The following DBR1 variants were observed in gnomAD, a reference collection of about 807,000 sequenced individuals.
The protein encoded by DBR1 is lariat debranching enzyme.
In DBR1, 33 loss-of-function variants were observed where a neutral mutation model predicts 45.9. That is an observed-to-expected ratio of 0.72 (90% CI 0.55 to 0.96). The LOEUF is 0.96. Among genes scored for constraint, DBR1 ranks in the 40% least tolerant of loss-of-function variants. The pLI is 0.00. For synonymous variants in DBR1, 235 were observed against 235.9 expected (o/e 1.00, Z 0.04); for missense variants, 619 against 667.4 (o/e 0.93, Z 0.80).
chr3:138,169,437 C>G (rs2042944783), intron 4 of DBR1, among the ~76,000 whole-genome samples: 1 of 152,024 alleles, frequency 6.6e-6, no homozygotes, highest in Non-Finnish European at 1.5e-5. Flanking sequence ...TTTACTATTA[C>G]TTATTTTCTA....
chr3:138,161,679 T>G lies in DBR1; in HGVS notation c.*210A>C. ...TGGCCAACACGGTGAAACCCTGTCA[T>G]TACTAAAAATGCAAAAATTAGCCGG... On this transcript the variant is annotated 3_prime_UTR_variant, in exon 8 of 8. Coordinates refer to ENST00000260803, the MANE Select transcript of DBR1 (RefSeq NM_016216.4). 4.2e-6 allele frequency: 2 copies of G among 479,674 alleles called. No homozygotes were observed. The highest frequency in any genetic ancestry group is 2.3e-5 in the South Asian group (1 of 44,072). The allele number at this position is 479,674 out of a possible 1,614,324, so 29.7% of individuals were successfully genotyped here.
At chr3:138,173,861 A>AC (rs2042966406) in intron 1 of DBR1, among the ~76,000 whole-genome samples, 1 of 151,632 alleles carries the variant, frequency 6.6e-6, no homozygotes, top group African/African-American at 2.4e-5. Flanking sequence ...ATGTGGTGAA[A>AC]CCCCGTCTCT....
rs1225378769 is a variant in DBR1, at chr3:138,174,842, C to T, written c.-47G>A. 1 of 1,573,036 alleles carries T rather than the reference C, an allele frequency of 6.4e-7. No homozygotes were observed. The highest frequency in any genetic ancestry group is 1.1e-5 in the South Asian group (1 of 87,010). The stretch of plus-strand genomic sequence containing the variant: ...GCGCTGCCTGCAACGCCCTACACCA[C>T]AGCCAGCCCAGGACCGACTGATCGC... On this transcript the variant is annotated 5_prime_UTR_variant, in exon 1 of 8. In the 5' UTR this introduces an upstream ATG that the reference lacks. Transcript: ENST00000260803.
chr3:138,163,731 C>A, intron 6 of DBR1, 47 bp downstream of exon 6: 3 of 1,368,378 alleles, frequency 2.2e-6, no homozygotes, highest in Non-Finnish European at 3.0e-6. Context: ...TTTTTTAAGT[C>A]TCTGGAAGAG....
chr3:138,166,707 G>C (rs979013865), intron 5 of DBR1, among the ~76,000 whole-genome samples: 3 of 152,136 alleles, frequency 2.0e-5, no homozygotes, highest in Middle Eastern at 6.8e-3. Context: ...CTACCTACAA[G>C]TCCCCAAACA....
chr3:138,174,856 C>T lies in DBR1; in HGVS notation c.-61G>A, dbSNP rs2042972581. The T allele has an allele frequency of 3.3e-6, 5 of 1,524,098 alleles. No individual in the cohort carries two copies. In the Admixed American group the frequency reaches 7.9e-5, roughly 24 times the overall value. The allele number at this position is 1,524,098 out of a possible 1,614,324, so 94.4% of individuals were successfully genotyped here. A position where few individuals can be genotyped will look rare whatever the true frequency, so the allele number is the denominator to read the frequency against. ...GCCCTACACCACAGCCAGCCCAGGA[C>T]CGACTGATCGCTCAGCTCCCGCCAA... On this transcript the variant is annotated 5_prime_UTR_variant, in exon 1 of 8. Coordinates refer to ENST00000260803, the MANE Select transcript of DBR1 (RefSeq NM_016216.4).
rs989547266 is a variant in DBR1, at chr3:138,163,408, A to T, written c.882T>A (p.Asp294Glu). The T allele has an allele frequency of 6.2e-7, 1 of 1,614,070 alleles. No homozygotes were observed. The highest frequency in any genetic ancestry group is 8.5e-7 in the Non-Finnish European group (1 of 1,179,942). ...ACAGGCGCCCAGTCACATTAATAAG[A>T]TCATCCGTAGCCCTGAGAATAGTGA... ...EWLTILRATD[D>E]LINVTGRLWN... The change falls in exon 7 of 8, where the codon GAT becomes GAA. Residue 294 changes from aspartate (D) to glutamate (E), a missense_variant. Asp to Glu is a conservative substitution (Grantham distance 45). This residue lies in a region of DBR1 where 430 missense variants were observed against 447.7 expected (regional missense o/e 0.96). Transcript: ENST00000260803.
rs2107901856 is a variant in DBR1 at position 138,163,398 on chromosome 3, C to T, written c.892G>A (p.Val298Met). 5 of 1,613,926 alleles carry T rather than the reference C, an allele frequency of 3.1e-6. No homozygotes were observed. The highest frequency in any genetic ancestry group is 2.2e-5 in the South Asian group (2 of 91,054). The change falls in exon 7 of 8, where the codon GTG becomes ATG. Residue 298 changes from valine to methionine, a missense_variant. By Grantham distance (21) the Val-to-Met change is conservative. This residue lies in a region of DBR1 where 430 missense variants were observed against 447.7 expected (regional missense o/e 0.96). Transcript: ENST00000260803. ...GGCATATTCCACAGGCGCCCAGTCA[C>T]ATTAATAAGATCATCCGTAGCCCTG... ...ILRATDDLIN[V>M]TGRLWNMPEN... is the part of the protein sequence containing the mutation.
At position 138,161,773 on chromosome 3, in the gene DBR1, G is replaced by T; in HGVS notation, c.*116C>A. The T allele has an allele frequency of 3.8e-6, 3 of 786,710 alleles. No individual in the cohort carries two copies. Among genetic ancestry groups the T allele is most frequent in the Non-Finnish European group, 6.3e-6 (3 of 475,682 alleles). 48.7% of individuals were successfully genotyped at this position (786,710 alleles called of 1,614,324 possible). Reference sequence around the variant, plus strand: ...AGGCAGGAGAATTGCTTGAACCTGGGAGGCGGAGGTTGCGGTGAGCCGAGA... The same window carrying T: ...AGGCAGGAGAATTGCTTGAACCTGGTAGGCGGAGGTTGCGGTGAGCCGAGA... On this transcript the variant is annotated 3_prime_UTR_variant, in exon 8 of 8. Coordinates refer to ENST00000260803, the MANE Select transcript of DBR1 (RefSeq NM_016216.4).
chr3:138,172,660 TC>T (rs1483629090), intron 2 of DBR1, among the ~76,000 whole-genome samples: 1 of 152,058 alleles, frequency 6.6e-6, no homozygotes, highest in Non-Finnish European at 1.5e-5. Context: ...TCTAATCAAA[TC>T]TGAAAATCTA....
intron 3 of DBR1, 63 bp downstream of exon 3, chr3:138,171,570 C>A: frequency 1.1e-6 from 1 of 930,218 alleles, no homozygotes; most frequent in Non-Finnish European, 1.7e-6. Context: ...AAGTACATAT[C>A]ATGCTTAACT....
chr3:138,163,703 C>T, intron 6 of DBR1, 75 bp downstream of exon 6: 1 of 1,140,176 alleles, frequency 8.8e-7, no homozygotes. Context: ...CAAAAAAATT[C>T]CGAAAGGAAA....
intron 5 of DBR1, among the ~76,000 whole-genome samples, chr3:138,165,961 C>A (rs2042928788): frequency 6.6e-6 from 1 of 152,170 alleles, no homozygotes; most frequent in Admixed American, 6.5e-5. Context: ...AGAATAAATC[C>A]ACAACAGAAA....
At position 138,171,697 on chromosome 3, in the gene DBR1, T is replaced by C. The variant is rs762901905; in HGVS notation, c.339A>G (p.Val113=). The change falls in exon 3 of 8, where the codon GTA becomes GTG. Residue 113 remains valine, a synonymous_variant. Coordinates refer to ENST00000260803, the MANE Select transcript of DBR1 (RefSeq NM_016216.4). The part of the protein sequence containing the change: ...NIYYLGLAGV[V]KYRGVRIGGI... ...CACCGATCCTTACACCTCGGTATTT[T>C]ACCACACCAGCCAAACCTAAACAAT... is the stretch of plus-strand genomic sequence containing the variant. 1 of 1,613,492 alleles carries C rather than the reference T, an allele frequency of 6.2e-7. No homozygotes were observed. Among genetic ancestry groups the C allele is most frequent in the Non-Finnish European group, 8.5e-7 (1 of 1,179,496 alleles).
intron 3 of DBR1, 96 bp downstream of exon 3, chr3:138,171,537 T>C (rs1158956188): frequency 2.1e-6 from 1 of 478,510 alleles, no homozygotes; most frequent in African/African-American, 2.3e-5. Context: ...ATATCGAGGA[T>C]ACAAAGATAT....
chr3:138,166,426 A>G (rs574162208), intron 5 of DBR1, among the ~76,000 whole-genome samples: 1 of 152,276 alleles, frequency 6.6e-6, no homozygotes, highest in South Asian at 2.1e-4. Flanking sequence ...TCTCTCTAGA[A>G]TCTGCTTCAT....
At position 138,173,624 on chromosome 3, in the gene DBR1, T is replaced by C; in HGVS notation, c.200A>G (p.Tyr67Cys). The C allele has an allele frequency of 1.9e-6, 3 of 1,611,650 alleles. No homozygotes were observed. The highest frequency in any genetic ancestry group is 2.2e-5 in the East Asian group (1 of 44,802). ...KYRHMQTFYR[Y>C]YSGEKKAPVL... ...TGGAGCCTTTTTCTCTCCAGAGTAA[T>C]ACCTAGAACATAAGAGCAAAGTCAG... Residue 67 changes from tyrosine to cysteine, a missense_variant and splice_region_variant, in exon 2 of 8, where the codon TAT becomes TGT. Tyr to Cys is a radical substitution (Grantham distance 194). This residue lies in a region of DBR1 where 430 missense variants were observed against 447.7 expected (regional missense o/e 0.96). Transcript: ENST00000260803.
In DBR1 at chr3:138,170,137, C is replaced by T. The variant is rs2042947831; in HGVS notation, c.459G>A (p.Val153=). Residue 153 remains valine (V), a synonymous_variant, in exon 4 of 8, where the codon GTG becomes GTA. Transcript: ENST00000260803. ...TTAATTTATAGACTTCAATATTTCT[C>T]ACATGATATATACTCCTGATTGTAG... is the stretch of plus-strand genomic sequence containing the variant. ...NSSTIRSIYH[V]RNIEVYKLKQ... 2 of 1,599,458 alleles carry T rather than the reference C, an allele frequency of 1.3e-6. No individual in the cohort carries two copies. The highest frequency in any genetic ancestry group is 2.2e-5 in the South Asian group (2 of 89,422).
Position 138,162,065 on chromosome 3 carries a change from T to C in DBR1, c.1459A>G (p.Ile487Val), listed in dbSNP as rs1290618781. ...VSSDDTVDST[I>V]DREGKPGGTV... ...CCACCAGGTTTCCCCTCTCTATCAA[T>C]TGTGGAATCCACCGTATCATCAGAA... Residue 487 changes from isoleucine to valine, a missense_variant, in exon 8 of 8, where the codon ATT becomes GTT. Coordinates refer to ENST00000260803, the MANE Select transcript of DBR1 (RefSeq NM_016216.4). 5.6e-6 allele frequency: 9 copies of C among 1,614,114 alleles called. No homozygotes were observed. Among genetic ancestry groups the C allele is most frequent in the South Asian group, 3.3e-5 (3 of 91,082 alleles).
Sources: gnomAD v4.1 joint callset for allele counts (sites outside exome capture counted in the v4.1 genomes callset) on GRCh38, gnomAD v4.1.1 for gene constraint, gnomAD v4.1.1 regional missense constraint, MANE v1.5 for transcripts, NCBI Gene and HGNC (gene_info 2026-07-23, HGNC 2026-07-21) for gene names.